NAA35: variants seen among roughly 807,000 people sequenced by gnomAD.
NAA35 encodes N-alpha-acetyltransferase 35, NatC auxiliary subunit.
NAA35 carries 18 observed loss-of-function variants against 101.7 expected under a neutral mutation model. The ratio of observed to expected loss-of-function variants is 0.18; its 90% confidence interval spans 0.12 to 0.26. NAA35 has a LOEUF of 0.26. Among genes scored for constraint, NAA35 ranks in the 10% least tolerant of loss-of-function variants. NAA35 has a pLI of 1.00. For synonymous variants in NAA35, 267 were observed against 273.1 expected (o/e 0.98, Z 0.22); for missense variants, 601 against 886.8 (o/e 0.68, Z 4.09).
chr9:86,022,849 C>T lies in NAA35; in HGVS notation c.*889C>T, dbSNP rs1449892104. Among the ~76,000 whole-genome samples the T allele has an allele frequency of 6.6e-6, 1 of 152,052 alleles. No homozygotes were observed. On this transcript the variant is annotated 3_prime_UTR_variant, in exon 23 of 23. Coordinates refer to ENST00000361671, the MANE Select transcript of NAA35 (RefSeq NM_024635.4). ...TGTCCTGTGTCTGCTCTGATGTTTG[C>T]GGTGGCAGCTTTCTAGGCCTCTTGG...
intron 14 of NAA35, among the ~76,000 whole-genome samples, chr9:86,009,076 TC>T (rs1831779885): frequency 6.6e-6 from 1 of 152,218 alleles, no homozygotes; most frequent in African/African-American, 2.4e-5. Flanking sequence ...GTGAGAAAGT[TC>T]TTCCTCTTGA....
In NAA35 at chr9:86,022,233, T is replaced by G. The variant is rs1464317906; in HGVS notation, c.*273T>G. 3.6e-6 allele frequency: 1 copy of G among 280,690 alleles called. No individual in the cohort carries two copies. The highest frequency in any genetic ancestry group is 2.2e-5 in the African/African-American group (1 of 44,826). The allele number at this position is 280,690 out of a possible 1,614,324, so 17.4% of individuals were successfully genotyped here. On this transcript the variant is annotated 3_prime_UTR_variant, in exon 23 of 23. Coordinates refer to ENST00000361671, the MANE Select transcript of NAA35 (RefSeq NM_024635.4). ...TATTACAGATTTAATCACAAATCAT[T>G]TTTTATGAATGATTGAGTGAAAATA...
chr9:85,968,660 C>T (rs59792358), intron 6 of NAA35, among the ~76,000 whole-genome samples: 13,942 of 151,774 alleles, frequency 0.092, 2,061 homozygotes, highest in African/African-American at 0.31. Flanking sequence ...TCCATATTAT[C>T]TCCATATATC....
chr9:85,947,145 C>T (rs1180169472), intron 2 of NAA35, among the ~76,000 whole-genome samples: 6 of 152,102 alleles, frequency 3.9e-5, no homozygotes, highest in African/African-American at 1.2e-4. Flanking sequence ...TGCCTGTAAC[C>T]AGCATAATTA....
At chr9:85,977,298 T>G (rs1564301998) in intron 9 of NAA35, 65 bp from the exon 10 acceptor site, 2 of 1,107,658 alleles carry the variant, frequency 1.8e-6, no homozygotes, top group Non-Finnish European at 2.8e-6. Flanking sequence ...GTTAATATAT[T>G]TTAAATGAAA....
intron 6 of NAA35, among the ~76,000 whole-genome samples, chr9:85,965,519 T>C (rs1321680948): frequency 1.3e-5 from 2 of 152,058 alleles, no homozygotes; most frequent in Non-Finnish European, 2.9e-5. Flanking sequence ...TCTCAGCTAC[T>C]AGAGAGGCTG....
intron 6 of NAA35, among the ~76,000 whole-genome samples, chr9:85,972,093 A>T (rs1373069484): frequency 6.6e-6 from 1 of 152,178 alleles, no homozygotes; most frequent in African/African-American, 2.4e-5. Context: ...TATTCCCAGG[A>T]CTTGTGATGT....
chr9:86,003,225 A>G (rs1167633310), intron 12 of NAA35, among the ~76,000 whole-genome samples: 1 of 152,220 alleles, frequency 6.6e-6, no homozygotes, highest in Non-Finnish European at 1.5e-5. Flanking sequence ...ACAATCAGTA[A>G]TGTGCATCCA....
At chr9:85,972,830 C>T (rs1471770580) in intron 6 of NAA35, among the ~76,000 whole-genome samples, 1 of 152,124 alleles carries the variant, frequency 6.6e-6, no homozygotes, top group Non-Finnish European at 1.5e-5. Context: ...GTCTGTTTAG[C>T]ACTATTCTAA....
chr9:85,959,616 G>T (rs1229838671), intron 4 of NAA35, among the ~76,000 whole-genome samples, 177 bp from the exon 5 acceptor site: 1 of 151,984 alleles, frequency 6.6e-6, no homozygotes, highest in Non-Finnish European at 1.5e-5. Context: ...AAGATATATT[G>T]TTTTTAAGAG....
At chr9:85,961,009 T>C (rs1360378171) in intron 5 of NAA35, among the ~76,000 whole-genome samples, 5 of 152,004 alleles carry the variant, frequency 3.3e-5, no homozygotes, top group African/African-American at 1.2e-4. Context: ...AGGAGGAGTG[T>C]GGGATTAGTG....
chr9:86,008,593 C>G (rs560153467), intron 14 of NAA35, among the ~76,000 whole-genome samples: 1 of 152,212 alleles, frequency 6.6e-6, no homozygotes, highest in African/African-American at 2.4e-5. Context: ...AGGAATCTAA[C>G]CCTTTATTTC....
At chr9:85,998,816 C>T (rs776663845) in intron 12 of NAA35, among the ~76,000 whole-genome samples, 2 of 152,186 alleles carry the variant, frequency 1.3e-5, no homozygotes, top group Admixed American at 6.5e-5. Context: ...TGTTACCTTA[C>T]ACACTGAGGT....
intron 15 of NAA35, among the ~76,000 whole-genome samples, chr9:86,011,851 T>A (rs1414646107): frequency 1.4e-5 from 2 of 143,576 alleles, no homozygotes; most frequent in Non-Finnish European, 3.0e-5. Context: ...AGACTTTGAG[T>A]TCAACTTTTA....
At chr9:85,960,122 C>G (rs1304570951) in intron 5 of NAA35, among the ~76,000 whole-genome samples, 1 of 152,130 alleles carries the variant, frequency 6.6e-6, no homozygotes, top group Non-Finnish European at 1.5e-5. Context: ...TCATAATACC[C>G]TTTTCGTTCT....
At position 86,007,449 on chromosome 9, in the gene NAA35, C is replaced by T. The variant is rs1192617459; in HGVS notation, c.1208C>T (p.Pro403Leu). 6.2e-7 allele frequency: 1 copy of T among 1,612,982 alleles called. No homozygotes were observed. The highest frequency in any genetic ancestry group is 8.5e-7 in the Non-Finnish European group (1 of 1,179,194). ...KDALRSFVSP[P>L]VLSPKCYLYN... ...GCACTTCGGTCTTTTGTCAGTCCTC[C>T]GGTGCTTTCCCCCAAGTAAGTATTG... The change falls in exon 14 of 23, where the codon CCG (proline) becomes CTG (leucine). Residue 403 changes from proline to leucine, a missense_variant. By Grantham distance (98) the Pro-to-Leu change is moderately conservative. Coordinates refer to ENST00000361671, the MANE Select transcript of NAA35 (RefSeq NM_024635.4).
chr9:85,997,864 CACATACAT>C (rs775955982), intron 12 of NAA35, among the ~76,000 whole-genome samples: 1 of 152,022 alleles, frequency 6.6e-6, no homozygotes, highest in East Asian at 1.9e-4. Context: ...TGCTGGTATA[CACATACAT>C]ACATACATAT....
chr9:85,941,190 AGGGGGCGGCG>A lies in NAA35; in HGVS notation c.-87_-78del, dbSNP rs1828494573. The A allele has an allele frequency of 1.0e-6, 1 of 984,832 alleles. No individual in the cohort carries two copies. The highest frequency in any genetic ancestry group is 1.2e-6 in the Non-Finnish European group (1 of 830,398). The allele number at this position is 984,832 out of a possible 1,614,324, so 61.0% of individuals were successfully genotyped here. A position where few individuals can be genotyped will look rare whatever the true frequency, so the allele number is the denominator to read the frequency against. ...GCCGGTCGGGCTGGGCTGAGAGGGG[AGGGGGCGGCG>A]GCGGCCGAGGCGGCGTCGTTATTTC... is the stretch of plus-strand genomic sequence containing the variant. On this transcript the variant is annotated 5_prime_UTR_variant, in exon 1 of 23. Transcript: ENST00000361671.
In NAA35 at chr9:85,962,251, G is replaced by A. The variant is rs566063606; in HGVS notation, c.516+71G>A. On this transcript the variant is annotated intron_variant, in intron 6 of 22. Transcript: ENST00000361671. ...CATGCCTGTAATCTCAGCAGTTTGG[G>A]AGGCCAAGGTGGGCAGATCACCTGA... 8.1e-5 allele frequency: 120 copies of A among 1,486,072 alleles called. No individual in the cohort carries two copies. The East Asian group carries it at 2.7e-3, about 34-fold the overall frequency. 92.1% of individuals were successfully genotyped at this position (1,486,072 alleles called of 1,614,324 possible).
Sources: allele counts gnomAD v4.1 joint callset (sites outside exome capture counted in the v4.1 genomes callset), GRCh38; gene constraint gnomAD v4.1.1; transcripts MANE v1.5; gene names NCBI Gene and HGNC (gene_info 2026-07-23, HGNC 2026-07-21).